TANGO2: variants seen among roughly 807,000 people sequenced by gnomAD.
TANGO2 encodes the protein transport and golgi organization 2 homolog.
A neutral mutation model predicts 39.1 loss-of-function variants in TANGO2; 26 were observed. That is an observed-to-expected ratio of 0.67 (90% CI 0.49 to 0.92). TANGO2 has a LOEUF of 0.92. Among genes scored for constraint, TANGO2 ranks in the 40% least tolerant of loss-of-function variants. The pLI, the probability that TANGO2 is intolerant of heterozygous loss-of-function variation, is 0.00. For synonymous variants in TANGO2, 131 were observed against 144.5 expected, an observed-to-expected ratio of 0.91 and a Z score of 0.67; for missense variants, 326 against 360.1, an observed-to-expected ratio of 0.91 and a Z score of 0.77.
chr22:20,061,617 G>A lies in TANGO2; in HGVS notation c.539G>A (p.Arg180Gln), dbSNP rs914146516. The change falls in exon 7 of 9, where the codon CGG becomes CAG. Residue 180 changes from arginine (R) to glutamine (Q), a missense_variant. Coordinates refer to ENST00000327374, the MANE Select transcript of TANGO2 (RefSeq NM_152906.7). ...GKQLFLEAVE[R>Q]SQALPKDVLI... ...CAGCTCTTCCTGGAGGCTGTGGAAC[G>A]GAGCCAGGCGCTGCCCAAGGATGTG... 22 of 1,577,700 alleles carry A rather than the reference G, an allele frequency of 1.4e-5. 1 individual carries two copies. The highest frequency in any genetic ancestry group is 5.5e-5 in the Admixed American group (3 of 54,196).
rs149539943 is a variant in TANGO2 at position 20,057,692 on chromosome 22, C to T, written c.451+1679C>T. 7.9e-5 allele frequency among the ~76,000 whole-genome samples: 12 copies of T among 152,320 alleles called. No individual in the cohort carries two copies. Among genetic ancestry groups the T allele is most frequent in the Non-Finnish European group, 1.5e-4 (10 of 68,024 alleles). On this transcript the variant is annotated intron_variant, in intron 6 of 8. Coordinates refer to ENST00000327374, the MANE Select transcript of TANGO2 (RefSeq NM_152906.7). The surrounding 1 kb of genome is among the most constrained non-coding windows in gnomAD (Gnocchi z 4.1). ...GCTGTTCCACCTGCCCCAGAACCTC[C>T]GCATCAGTTGAGGGTCGTGGGGTTG...
intron 3 of TANGO2, among the ~76,000 whole-genome samples, chr22:20,050,842 GT>G (rs200982438): frequency 0.23 from 28,842 of 127,128 alleles, 3,303 homozygotes; most frequent in East Asian, 0.56. Flanking sequence ...GTTTTGTTGG[GT>G]TTTTTTTTTT....
chr22:20,047,683 G>A (rs545821492), intron 3 of TANGO2, among the ~76,000 whole-genome samples: 3 of 152,272 alleles, frequency 2.0e-5, no homozygotes, highest in African/African-American at 7.2e-5. Flanking sequence ...CCCACTCCCT[G>A]GGCTGGGTCC....
Position 20,060,311 on chromosome 22 carries a change from C to T in TANGO2, c.452-1219C>T, listed in dbSNP as rs557634449. 8.0e-3 allele frequency among the ~76,000 whole-genome samples: 1,163 copies of T among 145,754 alleles called. 3 individuals are homozygous for T. Among genetic ancestry groups the T allele is most frequent in the Non-Finnish European group, 0.011 (757 of 67,064 alleles). ...TTGCAGTGAGCCGAGATTGCGCCAC[C>T]GCACTCCAGCCTGGGCGACAGAGTA... On this transcript the variant is annotated intron_variant, in intron 6 of 8. Coordinates refer to ENST00000327374, the MANE Select transcript of TANGO2 (RefSeq NM_152906.7).
chr22:20,057,292 C>T lies in TANGO2; in HGVS notation c.451+1279C>T, dbSNP rs1046249171. 4.6e-5 allele frequency among the ~76,000 whole-genome samples: 7 copies of T among 152,308 alleles called. No homozygotes were observed. In the East Asian group the frequency reaches 9.7e-4, roughly 21 times the overall value. On this transcript the variant is annotated intron_variant, in intron 6 of 8. Coordinates refer to ENST00000327374, the MANE Select transcript of TANGO2 (RefSeq NM_152906.7). The surrounding 1 kb of genome is among the most constrained non-coding windows in gnomAD (Gnocchi z 4.1). Reference sequence around the variant, plus strand: ...ACTGGAGCTGGCTTCCAGCTTCCCACGTCTGCCCAGTGATGTTTCATCCAC... The same window carrying T: ...ACTGGAGCTGGCTTCCAGCTTCCCATGTCTGCCCAGTGATGTTTCATCCAC...
At chr22:20,018,777 G>A (rs1020743293), upstream of TANGO2, among the ~76,000 whole-genome samples, 1 of 152,112 alleles carries the variant, frequency 6.6e-6, no homozygotes. Context: ...TGCAGCCAGG[G>A]GTCAGAAACA....
intron 1 of TANGO2, chr22:20,033,065 G>C (rs1009418512): frequency 2.4e-6 from 1 of 414,246 alleles, no homozygotes; most frequent in Non-Finnish European, 4.7e-6. Flanking sequence ...GGGAGGTGAA[G>C]CTGGCAGGGG....
chr22:20,017,426 G>T (rs1386891267), upstream of TANGO2, among the ~76,000 whole-genome samples: 1 of 152,172 alleles, frequency 6.6e-6, no homozygotes, highest in East Asian at 1.9e-4. Flanking sequence ...GGGAGACGAT[G>T]GAGGTAGGAG....
chr22:20,042,524 G>A (rs942676489), intron 2 of TANGO2, among the ~76,000 whole-genome samples: 1 of 152,152 alleles, frequency 6.6e-6, no homozygotes, highest in African/African-American at 2.4e-5. Context: ...CTCCGCCTCG[G>A]AGGCCGAGGC....
intron 5 of TANGO2, chr22:20,055,695 G>T: frequency 1.7e-6 from 1 of 577,682 alleles, no homozygotes; most frequent in South Asian, 2.0e-5. Flanking sequence ...TTTAGATCCT[G>T]TGCCTCCTGG....
chr22:20,029,760 C>G (rs1210661229), intron 1 of TANGO2, among the ~76,000 whole-genome samples: 2 of 152,198 alleles, frequency 1.3e-5, no homozygotes, highest in African/African-American at 4.8e-5. Flanking sequence ...ACCAAAGTCC[C>G]AAGTGATTAG....
chr22:20,034,716 T>C (rs1036666742), intron 1 of TANGO2, among the ~76,000 whole-genome samples: 1 of 152,148 alleles, frequency 6.6e-6, no homozygotes. Context: ...GAGTCTTCTG[T>C]TAGGTTCTTC....
intron 1 of TANGO2, among the ~76,000 whole-genome samples, chr22:20,022,532 A>G (rs1324058827): frequency 1.3e-5 from 2 of 152,218 alleles, no homozygotes; most frequent in African/African-American, 4.8e-5. Context: ...TGTGGTGGCC[A>G]TAGCCCTTCC....
In TANGO2 at chr22:20,032,595, G is replaced by A. The variant is rs553178869; in HGVS notation, c.-39-4165G>A. 7.2e-5 allele frequency among the ~76,000 whole-genome samples: 11 copies of A among 152,390 alleles called. No individual in the cohort carries two copies. The South Asian group carries it at 2.1e-3, about 29-fold the overall frequency. On this transcript the variant is annotated intron_variant, in intron 1 of 8. Transcript: ENST00000327374. Reference sequence around the variant, plus strand: ...CTTCTTGGACTGCCAAGGACATGCTGAGAGTTGGTTGGGCTTGGCCCAAGT... The same window carrying A: ...CTTCTTGGACTGCCAAGGACATGCTAAGAGTTGGTTGGGCTTGGCCCAAGT...
intron 1 of TANGO2, among the ~76,000 whole-genome samples, chr22:20,029,500 C>T (rs1343267307): frequency 6.6e-6 from 1 of 152,194 alleles, no homozygotes; most frequent in Non-Finnish European, 1.5e-5. Flanking sequence ...ATTCCACCCG[C>T]ACTGGTATTC....
Position 20,043,423 on chromosome 22 carries a change from A to G in TANGO2, c.125A>G (p.Asn42Ser). The change falls in exon 3 of 9, where the codon AAC becomes AGC. Residue 42 changes from asparagine (N) to serine (S), a missense_variant. Transcript: ENST00000327374. ...RPSKLADFWG[N>S]NNEILSGLDM... ...TCCAAGTTAGCTGACTTCTGGGGGA[A>G]CAACAACGAGATCCTCAGTGGTGAG... The G allele has an allele frequency of 1.2e-6, 2 of 1,613,210 alleles. No homozygotes were observed. Among genetic ancestry groups the G allele is most frequent in the African/African-American group, 1.3e-5 (1 of 75,030 alleles).
intron 2 of TANGO2, among the ~76,000 whole-genome samples, chr22:20,041,186 G>A (rs1306258093): frequency 2.0e-5 from 3 of 152,198 alleles, no homozygotes; most frequent in Non-Finnish European, 2.9e-5. Context: ...TCGTTCTGTC[G>A]CCCAGGCTAG....
Position 20,066,841 on chromosome 22 carries a change from G to A in TANGO2, c.*2179G>A, listed in dbSNP as rs1193634930. ...GATGTTCACCTCTGCCCAGAGACCC[G>A]GCCTGCCCAGGAAGAGCAGTCTCTG... On this transcript the variant is annotated 3_prime_UTR_variant, in exon 9 of 9. Coordinates refer to ENST00000327374, the MANE Select transcript of TANGO2 (RefSeq NM_152906.7). Among the ~76,000 whole-genome samples, 5 of 152,114 alleles carry A rather than the reference G, an allele frequency of 3.3e-5. No homozygotes were observed. In the East Asian group the frequency reaches 5.8e-4, roughly 18 times the overall value.
chr22:20,062,532 T>C (rs1267726067), intron 7 of TANGO2, among the ~76,000 whole-genome samples: 1 of 152,204 alleles, frequency 6.6e-6, no homozygotes, highest in Non-Finnish European at 1.5e-5. Flanking sequence ...GCTGCCTCAC[T>C]GGAAGAGCCC....
Sources: gnomAD v4.1 joint callset for allele counts (sites outside exome capture counted in the v4.1 genomes callset) on GRCh38, gnomAD v4.1.1 for gene constraint, Gnocchi (gnomAD v3.1) non-coding constraint, MANE v1.5 for transcripts, NCBI Gene and HGNC (gene_info 2026-07-23, HGNC 2026-07-21) for gene names.